SSH1: variants seen among roughly 807,000 people sequenced by gnomAD.
SSH1 encodes the protein slingshot protein phosphatase 1.
In SSH1, 43 loss-of-function variants were observed where a neutral mutation model predicts 79.7. That is an observed-to-expected ratio of 0.54 (90% CI 0.42 to 0.70). SSH1 has a LOEUF of 0.70. Ranked by LOEUF, SSH1 falls within the 30% of genes least tolerant of loss-of-function variation. SSH1 has a pLI of 0.00. For missense variants in SSH1, 1,206 were observed against 1,358.8 expected, an observed-to-expected ratio of 0.89 and a Z score of 1.77; for synonymous variants, 599 against 538.3, an observed-to-expected ratio of 1.11 and a Z score of -1.56.
chr12:108,791,201 C>T (rs1376405717), intron 14 of SSH1, among the ~76,000 whole-genome samples: 1 of 152,172 alleles, frequency 6.6e-6, no homozygotes, highest in Non-Finnish European at 1.5e-5. Flanking sequence ...CCTCTGCCTC[C>T]TGGGTTCAAG....
intron 12 of SSH1, among the ~76,000 whole-genome samples, chr12:108,800,397 A>C (rs1565978932): frequency 6.6e-6 from 1 of 152,172 alleles, no homozygotes; most frequent in Non-Finnish European, 1.5e-5. Context: ...GTCATCCCCT[A>C]GCCCTCTTTG....
intron 2 of SSH1, among the ~76,000 whole-genome samples, chr12:108,844,434 G>C (rs924060599): frequency 1.3e-5 from 2 of 152,092 alleles, no homozygotes; most frequent in Non-Finnish European, 2.9e-5. Flanking sequence ...TGCAAGGCTC[G>C]CTCCCCGTGT....
intron 2 of SSH1, among the ~76,000 whole-genome samples, chr12:108,832,307 G>A (rs1411006517): frequency 3.1e-5 from 3 of 96,160 alleles, no homozygotes; most frequent in South Asian, 3.8e-4. Flanking sequence ...ACCCACCCCC[G>A]CCTCCCAAAA....
intron 10 of SSH1, among the ~76,000 whole-genome samples, chr12:108,802,782 G>A (rs549849744): frequency 6.6e-6 from 1 of 152,310 alleles, no homozygotes; most frequent in East Asian, 1.9e-4. Context: ...TCTACCTTCT[G>A]GGAAGTATTT....
rs1213857979 is a variant in SSH1 at position 108,807,050 on chromosome 12, G to T, written c.731+583C>A. Among the ~76,000 whole-genome samples the T allele has an allele frequency of 6.6e-6, 1 of 152,182 alleles. No homozygotes were observed. The highest frequency in any genetic ancestry group is 1.5e-5 in the Non-Finnish European group (1 of 68,034). ...AGGAACACCACACTGTGGGAGCAGG[G>T]TCCTGACCCCGAGGGGAGGGGCGAC... is the stretch of plus-strand genomic sequence containing the variant. On this transcript the variant is annotated intron_variant, in intron 8 of 14. Transcript: ENST00000326495. This position sits in a 1 kb window ranked among gnomAD's most constrained non-coding sequence, Gnocchi z 5.2.
In SSH1 at chr12:108,855,042, T is replaced by A. The variant is rs567004194; in HGVS notation, c.70-2364A>T. Among the ~76,000 whole-genome samples the A allele has an allele frequency of 3.3e-5, 5 of 152,298 alleles. No homozygotes were observed. The South Asian group carries it at 1.0e-3, about 32-fold the overall frequency. On this transcript the variant is annotated intron_variant, in intron 1 of 14. Coordinates refer to ENST00000326495, the MANE Select transcript of SSH1 (RefSeq NM_018984.4). Reference sequence around the variant, plus strand: ...TTTACTTTATGTTTATCAGGGTCATTGGCACTTGGTAAAAATAATGCTTTA... The same window carrying A: ...TTTACTTTATGTTTATCAGGGTCATAGGCACTTGGTAAAAATAATGCTTTA...
intron 2 of SSH1, among the ~76,000 whole-genome samples, chr12:108,832,885 T>G (rs1366188285): frequency 6.6e-6 from 1 of 152,150 alleles, no homozygotes; most frequent in African/African-American, 2.4e-5. Flanking sequence ...CACATAATGC[T>G]GAGCATAGAA....
At chr12:108,852,193 T>C (rs1593138189) in intron 2 of SSH1, among the ~76,000 whole-genome samples, 1 of 152,292 alleles carries the variant, frequency 6.6e-6, no homozygotes, top group South Asian at 2.1e-4. Flanking sequence ...TTCAGTTTTA[T>C]GTGTTTTAGG....
Position 108,792,738 on chromosome 12 carries a change from G to A in SSH1, c.1441C>T (p.Pro481Ser). The A allele has an allele frequency of 2.5e-6, 4 of 1,613,816 alleles. No individual in the cohort carries two copies. Among genetic ancestry groups the A allele is most frequent in the Non-Finnish European group, 3.4e-6 (4 of 1,180,028 alleles). Reference sequence around the variant, plus strand: ...TCCGGGGTGCCATCTGGGGTCTCTGGCAAGAAGTCGCCAGGTCCTGCAGGG... The same window carrying A: ...TCCGGGGTGCCATCTGGGGTCTCTGACAAGAAGTCGCCAGGTCCTGCAGGG... ...DDPAGPGDFLPETPDGTPESQ... is the reference protein window; with the variant it reads ...DDPAGPGDFLSETPDGTPESQ... The change falls in exon 14 of 15, where the codon CCA becomes TCA. Residue 481 changes from proline (P) to serine (S), a missense_variant. Coordinates refer to ENST00000326495, the MANE Select transcript of SSH1 (RefSeq NM_018984.4).
chr12:108,839,755 G>T lies in SSH1; in HGVS notation c.110+12883C>A, dbSNP rs773820853. ...ATTTCCCAGATAAAAGCCTGGCACA[G>T]GTTTCAGAGGAACTTGCAGGAAAAC... is the stretch of plus-strand genomic sequence containing the variant. On this transcript the variant is annotated intron_variant, in intron 2 of 14. Transcript: ENST00000326495. 6.3e-4 allele frequency among the ~76,000 whole-genome samples: 96 copies of T among 152,244 alleles called. 1 individual carries two copies. The highest frequency in any genetic ancestry group is 2.1e-4 in the Non-Finnish European group (14 of 68,044).
At chr12:108,843,272 G>GA (rs1214265877) in intron 2 of SSH1, among the ~76,000 whole-genome samples, 1 of 152,150 alleles carries the variant, frequency 6.6e-6, no homozygotes, top group African/African-American at 2.4e-5. Flanking sequence ...ACGGTGGGAA[G>GA]AATTTCTCTG....
At chr12:108,811,233 G>A (rs761530059) in intron 6 of SSH1, 27 bp downstream of exon 6, 1 of 1,610,406 alleles carries the variant, frequency 6.2e-7, no homozygotes, top group Non-Finnish European at 8.5e-7. Context: ...CATACAGTGA[G>A]AGAATCTTTT....
In SSH1 at chr12:108,792,637, G is replaced by C; in HGVS notation, c.1542C>G (p.Leu514=). Residue 514 remains leucine, a synonymous_variant, in exon 14 of 15, where the codon CTC becomes CTG. Transcript: ENST00000326495. ...GPPLPCCFRR[L]SDPLLPSPED... ...CAGGGGAAGGCAGAAGGGGGTCTGA[G>C]AGTCGCCGGAAACAGCAGGGGAGGG... The C allele has an allele frequency of 6.2e-7, 1 of 1,611,818 alleles. No individual in the cohort carries two copies. Among genetic ancestry groups the C allele is most frequent in the Non-Finnish European group, 8.5e-7 (1 of 1,179,646 alleles).
At chr12:108,818,477 T>A (rs1379865719) in intron 3 of SSH1, among the ~76,000 whole-genome samples, 164 bp from the exon 4 acceptor site, 1 of 152,224 alleles carries the variant, frequency 6.6e-6, no homozygotes, top group African/African-American at 2.4e-5. Flanking sequence ...TCTGAATTTC[T>A]CTTACACCAC....
intron 3 of SSH1, among the ~76,000 whole-genome samples, chr12:108,822,221 C>G (rs1227680217): frequency 2.6e-5 from 4 of 152,142 alleles, no homozygotes; most frequent in African/African-American, 9.7e-5. Flanking sequence ...TCAGCCTCGA[C>G]CTCCTGGGCT....
intron 2 of SSH1, among the ~76,000 whole-genome samples, chr12:108,850,763 G>A (rs943474656): frequency 3.7e-5 from 5 of 134,646 alleles, no homozygotes; most frequent in South Asian, 2.6e-4. Context: ...GGGGAGTCGG[G>A]GGAGGGGAAC....
intron 7 of SSH1, among the ~76,000 whole-genome samples, chr12:108,808,433 A>G (rs1324113166): frequency 6.6e-6 from 1 of 152,234 alleles, no homozygotes; most frequent in Non-Finnish European, 1.5e-5. Context: ...AAACAACAAC[A>G]AACTACTTCA....
At chr12:108,852,918 G>A (rs1330396430) in intron 1 of SSH1, 1 of 985,282 alleles carries the variant, frequency 1.0e-6, no homozygotes, top group Non-Finnish European at 1.2e-6. Flanking sequence ...TCCAGGGGAT[G>A]GAGTCCTGTT....
intron 3 of SSH1, among the ~76,000 whole-genome samples, chr12:108,819,513 T>C (rs2038036033): frequency 6.6e-6 from 1 of 152,174 alleles, no homozygotes; most frequent in African/African-American, 2.4e-5. Flanking sequence ...GATTTCTTTC[T>C]GAAGAAAGGG....
Sources: allele counts gnomAD v4.1 joint callset (sites outside exome capture counted in the v4.1 genomes callset), GRCh38; gene constraint gnomAD v4.1.1; non-coding constraint Gnocchi (gnomAD v3.1); transcripts MANE v1.5; gene names NCBI Gene and HGNC (gene_info 2026-07-23, HGNC 2026-07-21).